Variants in CPLX4 observed in about 807,000 individuals in gnomAD.
CPLX4 encodes complexin 4.
CPLX4 carries 17 observed loss-of-function variants against 16.1 expected under a neutral mutation model. That is an observed-to-expected ratio of 1.06 (90% CI 0.72 to 1.59). CPLX4 has a LOEUF of 1.59. Among genes scored for constraint, CPLX4 ranks in the 40% most tolerant of loss-of-function variants. CPLX4 has a pLI of 0.00. For missense variants in CPLX4, 193 were observed against 192.9 expected, an observed-to-expected ratio of 1.00 and a Z score of 0.00; for synonymous variants, 55 against 57.8, an observed-to-expected ratio of 0.95 and a Z score of 0.22.
At chr18:59,314,753 T>C (rs2070641432) in intron 1 of CPLX4, among the ~76,000 whole-genome samples, 1 of 152,214 alleles carries the variant, frequency 6.6e-6, no homozygotes, top group African/African-American at 2.4e-5. Flanking sequence ...AATGGAACCA[T>C]ACAGTTCATC....
In CPLX4 at chr18:59,308,257, C is replaced by T. The variant is rs542214686; in HGVS notation, c.255+4428G>A. 3.3e-5 allele frequency among the ~76,000 whole-genome samples: 5 copies of T among 152,206 alleles called. No individual in the cohort carries two copies. In the South Asian group the frequency reaches 8.3e-4, roughly 25 times the overall value. On this transcript the variant is annotated intron_variant, in intron 2 of 2. Coordinates refer to ENST00000299721, the MANE Select transcript of CPLX4 (RefSeq NM_181654.4). ...GAGGCCTGGGGCATGATTCTGCCCC[C>T]CATAAGCTTCATTTATTCAGTCATC... is the stretch of plus-strand genomic sequence containing the variant.
At chr18:59,311,853 C>A (rs1235853678) in intron 2 of CPLX4, among the ~76,000 whole-genome samples, 1 of 152,156 alleles carries the variant, frequency 6.6e-6, no homozygotes, top group Non-Finnish European at 1.5e-5. Context: ...ACCAGGAGAC[C>A]AACGACTCAC....
rs779642789 is a variant in CPLX4, at chr18:59,296,765, T to C, written c.416A>G (p.Lys139Arg). ...AGTGAAGGTGGCCTGGGCTTTTTCT[T>C]TTATGGTATCCAAGTCCATGTTCTG... is the stretch of plus-strand genomic sequence containing the variant. Reference protein sequence around the residue: ...NLQNMDLDTIKEKAQATFTEI... With the variant: ...NLQNMDLDTIREKAQATFTEI... The change falls in exon 3 of 3, where the codon AAA becomes AGA. Residue 139 changes from lysine (K) to arginine (R), a missense_variant. Physicochemically the swap from Lys to Arg is conservative, Grantham distance 26 (BLOSUM62 2). Transcript: ENST00000299721. The C allele has an allele frequency of 4.3e-6, 7 of 1,613,882 alleles. No homozygotes were observed. The highest frequency in any genetic ancestry group is 1.7e-5 in the Admixed American group (1 of 59,988).
intron 2 of CPLX4, among the ~76,000 whole-genome samples, chr18:59,307,051 G>A (rs975592292): frequency 2.0e-5 from 3 of 152,248 alleles, no homozygotes; most frequent in Admixed American, 6.5e-5. Context: ...GTCTTGTGCC[G>A]TTTTCTTTGT....
At chr18:59,304,924 AGTGTGTGTGTGTGTGTGTGTGT>A (rs56041280) in intron 2 of CPLX4, among the ~76,000 whole-genome samples, 1 of 142,148 alleles carries the variant, frequency 7.0e-6, no homozygotes, top group African/African-American at 2.6e-5. Flanking sequence ...CTCAACAATC[AGTGTGTGTGTGTGTGTGTGTGT>A]GTGTGTGTGT....
At chr18:59,301,063 T>A (rs1043673753) in intron 2 of CPLX4, among the ~76,000 whole-genome samples, 1 of 152,130 alleles carries the variant, frequency 6.6e-6, no homozygotes, top group African/African-American at 2.4e-5. Context: ...GTGCCAGCCC[T>A]CACTGGGAAG....
chr18:59,302,981 T>A (rs1300227446), intron 2 of CPLX4, among the ~76,000 whole-genome samples: 2 of 152,238 alleles, frequency 1.3e-5, no homozygotes, highest in Non-Finnish European at 2.9e-5. Context: ...GCTAGAAGAA[T>A]GGATTTCTTT....
At position 59,318,321 on chromosome 18, in the gene CPLX4, A is replaced by C. The variant is rs766829811; in HGVS notation, c.142T>G (p.Tyr48Asp). ...QGMTREEYEEYQKQMIEEKME... is the reference protein window; with the variant it reads ...QGMTREEYEEDQKQMIEEKME... ...TTCTCCTCAATCATTTGCTTTTGAT[A>C]CTCCTCATACTCCTCTCTAGTCATC... The change falls in exon 1 of 3, where the codon TAT becomes GAT. Residue 48 changes from tyrosine to aspartate, a missense_variant. Tyr to Asp is a radical substitution (Grantham distance 160). Transcript: ENST00000299721. 6 of 1,607,776 alleles carry C rather than the reference A, an allele frequency of 3.7e-6. No individual in the cohort carries two copies. The highest frequency in any genetic ancestry group is 5.1e-6 in the Non-Finnish European group (6 of 1,177,920).
In CPLX4 at chr18:59,296,692, C is replaced by A; in HGVS notation, c.*6G>T. 1 of 1,609,506 alleles carries A rather than the reference C, an allele frequency of 6.2e-7. No homozygotes were observed. Among genetic ancestry groups the A allele is most frequent in the South Asian group, 1.1e-5 (1 of 90,540 alleles). ...GCTGGTTCCCTCCCTCCACCCCTCC[C>A]ACCCCTCACATCACGGAACACTTCT... On this transcript the variant is annotated 3_prime_UTR_variant, in exon 3 of 3. Coordinates refer to ENST00000299721, the MANE Select transcript of CPLX4 (RefSeq NM_181654.4).
chr18:59,295,963 A>G lies in CPLX4; in HGVS notation c.*735T>C, dbSNP rs1269653476. ...AAGGAGAGTTAAGCTCAACTCAAAA[A>G]GAGCAGCCGTCTGCCTGGTTTCCCT... On this transcript the variant is annotated 3_prime_UTR_variant, in exon 3 of 3. Transcript: ENST00000299721. The G allele has an allele frequency of 6.6e-6, 1 of 152,260 alleles. No homozygotes were observed. Among genetic ancestry groups the G allele is most frequent in the African/African-American group, 2.4e-5 (1 of 41,460 alleles). The allele number at this position is 152,260 out of a possible 1,614,324, so 9.4% of individuals were successfully genotyped here. A position where few individuals can be genotyped will look rare whatever the true frequency, so the allele number is the denominator to read the frequency against.
rs1568103399 is a variant in CPLX4, at chr18:59,296,671, GT to G, written c.*26del. The G allele has an allele frequency of 6.9e-6, 11 of 1,595,046 alleles. No individual in the cohort carries two copies. The highest frequency in any genetic ancestry group is 9.4e-6 in the Non-Finnish European group (11 of 1,164,230). The stretch of plus-strand genomic sequence containing the variant: ...GAGTGGTCTTTTCCAAGGATGGCTG[GT>G]TCCCTCCCTCCACCCCTCCCACCCC... On this transcript the variant is annotated 3_prime_UTR_variant, in exon 3 of 3. Coordinates refer to ENST00000299721, the MANE Select transcript of CPLX4 (RefSeq NM_181654.4).
intron 2 of CPLX4, among the ~76,000 whole-genome samples, chr18:59,299,204 C>T (rs891313357): frequency 6.6e-6 from 1 of 152,246 alleles, no homozygotes; most frequent in Non-Finnish European, 1.5e-5. Context: ...CTAGCGGCTG[C>T]TTTCCTTGCT....
chr18:59,307,629 C>A (rs1427522563), intron 2 of CPLX4, among the ~76,000 whole-genome samples: 2 of 152,174 alleles, frequency 1.3e-5, no homozygotes, highest in Non-Finnish European at 2.9e-5. Context: ...ATGCCTTGGG[C>A]TTGTCAATCA....
intron 2 of CPLX4, among the ~76,000 whole-genome samples, chr18:59,310,372 A>G (rs1265347057): frequency 1.3e-5 from 2 of 152,118 alleles, no homozygotes; most frequent in Non-Finnish European, 2.9e-5. Context: ...GTTTCAAAAG[A>G]TACCCTGGCA....
rs2070492038 is a variant in CPLX4 at position 59,295,427 on chromosome 18, A to G, written c.*1271T>C. On this transcript the variant is annotated 3_prime_UTR_variant, in exon 3 of 3. Transcript: ENST00000299721. ...TTTTGGACCTCTATTCATTTGTTTTATTTGCTTAATTTTATTACATGAAAC... is the reference window on the plus strand; with the variant it reads ...TTTTGGACCTCTATTCATTTGTTTTGTTTGCTTAATTTTATTACATGAAAC... 6.6e-6 allele frequency: 1 copy of G among 152,026 alleles called. No individual in the cohort carries two copies. The highest frequency in any genetic ancestry group is 1.5e-5 in the Non-Finnish European group (1 of 68,010). 9.4% of individuals were successfully genotyped at this position (152,026 alleles called of 1,614,324 possible). A position where few individuals can be genotyped will look rare whatever the true frequency, so the allele number is the denominator to read the frequency against.
intron 2 of CPLX4, among the ~76,000 whole-genome samples, 189 bp downstream of exon 2, chr18:59,312,496 A>C (rs1002760254): frequency 1.1e-4 from 16 of 147,652 alleles, no homozygotes; most frequent in African/African-American, 3.9e-4. Flanking sequence ...GTATATATAT[A>C]TCCTGAATAT....
At chr18:59,312,943 G>A (rs1163360223) in intron 1 of CPLX4, among the ~76,000 whole-genome samples, 171 bp from the exon 2 acceptor site, 8 of 152,050 alleles carry the variant, frequency 5.3e-5, no homozygotes, top group African/African-American at 1.9e-4. Context: ...CTCTCTGTTT[G>A]TTACTCTACT....
intron 2 of CPLX4, among the ~76,000 whole-genome samples, chr18:59,300,825 C>T (rs2070535642): frequency 6.6e-6 from 1 of 152,074 alleles, no homozygotes; most frequent in South Asian, 2.1e-4. Context: ...TACCTCTGAC[C>T]TAGCAATGAC....
chr18:59,298,737 C>T (rs1172619674), intron 2 of CPLX4, among the ~76,000 whole-genome samples: 1 of 152,120 alleles, frequency 6.6e-6, no homozygotes, highest in Non-Finnish European at 1.5e-5. Flanking sequence ...AACCTGGAAA[C>T]TTCATTCTTC....
Sources: gnomAD v4.1 joint callset for allele counts (sites outside exome capture counted in the v4.1 genomes callset) on GRCh38, gnomAD v4.1.1 for gene constraint, MANE v1.5 for transcripts, NCBI Gene and HGNC (gene_info 2026-07-23, HGNC 2026-07-21) for gene names.